The following GFI1B variants were observed in gnomAD, a reference collection of about 807,000 sequenced individuals.
GFI1B encodes zinc finger protein Gfi-1b.
GFI1B carries 20 observed loss-of-function variants against 35.3 expected under a neutral mutation model. That is an observed-to-expected ratio of 0.57 (90% CI 0.40 to 0.82). The LOEUF is 0.82. Among genes scored for constraint, GFI1B ranks in the 40% least tolerant of loss-of-function variants. The pLI is 0.00. For synonymous variants in GFI1B, 178 were observed against 177.6 expected (o/e 1.00, Z -0.02); for missense variants, 430 against 446.3 (o/e 0.96, Z 0.33).
At chr9:132,977,908 C>T (rs143065962), upstream of GFI1B, among the ~76,000 whole-genome samples, 593 of 152,308 alleles carry the variant, frequency 3.9e-3, 4 homozygotes, top group African/African-American at 0.013. Context: ...TCCTGGCCTC[C>T]GAACTCACTG....
chr9:132,951,368 AG>A (rs1403079762), intron 1 of GFI1B: 1 of 152,218 alleles, frequency 6.6e-6, no homozygotes, highest in Non-Finnish European at 1.5e-5. Context: ...GCCCTAACGC[AG>A]GATAGCTCTG....
At chr9:132,990,783 A>G in intron 6 of GFI1B, 89 bp from the exon 7 acceptor site, 1 of 1,204,438 alleles carries the variant, frequency 8.3e-7, no homozygotes, top group East Asian at 2.4e-5. Flanking sequence ...GGTATTGGAA[A>G]ATGAACCCGG....
intron 1 of GFI1B, among the ~76,000 whole-genome samples, chr9:132,968,574 G>A (rs73554519): frequency 0.026 from 3,918 of 152,078 alleles, 69 homozygotes; most frequent in South Asian, 0.08. Context: ...AGATTAATTC[G>A]CTTTTTTGTT....
In GFI1B at chr9:132,988,092, T is replaced by G. The variant is rs1056458040; in HGVS notation, c.239-105T>G. ...AACTCCCGACCTCAAGTGACCCACT[T>G]GCCTCAGCCTCCCAAAGTGCTGGAA... On this transcript the variant is annotated intron_variant, in intron 3 of 6. Coordinates refer to ENST00000372122, the MANE Select transcript of GFI1B (RefSeq NM_001377304.1). 1.9e-5 allele frequency: 19 copies of G among 1,016,600 alleles called. No individual in the cohort carries two copies. The African/African-American group carries it at 3.0e-4, about 16-fold the overall frequency. The allele number at this position is 1,016,600 out of a possible 1,614,324, so 63.0% of individuals were successfully genotyped here.
At chr9:132,979,028 G>A (rs1225032208) in intron 1 of GFI1B, among the ~76,000 whole-genome samples, 187 bp downstream of exon 1, 1 of 152,224 alleles carries the variant, frequency 6.6e-6, no homozygotes, top group East Asian at 1.9e-4. Flanking sequence ...CTGAGCCACT[G>A]TGCTAGGAAT....
Position 132,987,450 on chromosome 9 carries a change from AGGGAGTGCCAAG to A in GFI1B, c.238+37_238+48del, listed in dbSNP as rs757542013. 8 of 1,613,442 alleles carry A rather than the reference AGGGAGTGCCAAG, an allele frequency of 5.0e-6. No homozygotes were observed. In the South Asian group the frequency reaches 8.8e-5, roughly 18 times the overall value. On this transcript the variant is annotated intron_variant, in intron 3 of 6. Transcript: ENST00000372122. ...CCGCTGTGACCCACTGTCATTCCCC[AGGGAGTGCCAAG>A]GGGAGGAAGGATGAAGGGACTCTTG...
At chr9:132,979,065 A>G (rs1296687895) in intron 1 of GFI1B, among the ~76,000 whole-genome samples, 1 of 152,104 alleles carries the variant, frequency 6.6e-6, no homozygotes, top group Non-Finnish European at 1.5e-5. Flanking sequence ...GCGCAGAAAC[A>G]CTTTTCAAAA....
intron 6 of GFI1B, 99 bp from the exon 7 acceptor site, chr9:132,990,773 G>T (rs1849266299): frequency 1.0e-6 from 1 of 982,110 alleles, no homozygotes; most frequent in Non-Finnish European, 1.6e-6. Context: ...AACACAGGAA[G>T]GTATTGGAAA....
intron 1 of GFI1B, among the ~76,000 whole-genome samples, chr9:132,966,568 T>C (rs796746112): frequency 2.1e-4 from 32 of 152,292 alleles, no homozygotes; most frequent in African/African-American, 7.2e-4. Context: ...ATTGGAAGAA[T>C]AATAGTTTTG....
rs1458646035 is a variant in GFI1B, at chr9:132,948,125, G to T, written c.-701+2456G>T. Among the ~76,000 whole-genome samples, 4 of 152,248 alleles carry T rather than the reference G, an allele frequency of 2.6e-5. No homozygotes were observed. In the East Asian group the frequency reaches 7.7e-4, roughly 29 times the overall value. On this transcript the variant is annotated intron_variant, in intron 1 of 10. Coordinates refer to the GFI1B transcript ENST00000339463. Reference sequence around the variant, plus strand: ...TTCATTTGCTTTAACAAGCTGAAATGGTTGGTCTACAGTGGACCTGTGACT... The same window carrying T: ...TTCATTTGCTTTAACAAGCTGAAATTGTTGGTCTACAGTGGACCTGTGACT...
intron 1 of GFI1B, among the ~76,000 whole-genome samples, chr9:132,958,128 G>A (rs1848310479): frequency 6.6e-6 from 1 of 152,052 alleles, no homozygotes; most frequent in African/African-American, 2.4e-5. Flanking sequence ...TTTTAATTGG[G>A]TCGACATCTG....
chr9:132,981,899 C>T (rs1251423547), intron 1 of GFI1B, among the ~76,000 whole-genome samples: 1 of 152,118 alleles, frequency 6.6e-6, no homozygotes, highest in Non-Finnish European at 1.5e-5. Context: ...ATTACAGGTG[C>T]CTGCCACCAC....
upstream of GFI1B, among the ~76,000 whole-genome samples, chr9:132,976,826 C>T (rs1848644534): frequency 6.6e-6 from 1 of 152,138 alleles, no homozygotes; most frequent in South Asian, 2.1e-4. Context: ...CCTGTAGTCC[C>T]AGCCACTCAA....
At chr9:132,988,175 G>A (rs780041623) in intron 3 of GFI1B, 22 bp from the exon 4 acceptor site, 2 of 1,611,086 alleles carry the variant, frequency 1.2e-6, no homozygotes, top group Admixed American at 1.7e-5. Context: ...GAGTAACCAG[G>A]CCTGTGTCGT....
At chr9:132,984,756 G>A (rs1275121453) in intron 1 of GFI1B, among the ~76,000 whole-genome samples, 1 of 152,162 alleles carries the variant, frequency 6.6e-6, no homozygotes, top group African/African-American at 2.4e-5. Flanking sequence ...GCAAGGGCTG[G>A]GCCTGAGCTT....
upstream of GFI1B, among the ~76,000 whole-genome samples, chr9:132,976,295 C>A (rs771073161): frequency 6.6e-6 from 1 of 152,124 alleles, no homozygotes; most frequent in Non-Finnish European, 1.5e-5. Context: ...TCATGTTTCA[C>A]GGAAAATGAC....
chr9:132,981,692 C>T lies in GFI1B; in HGVS notation c.-21+2851C>T, dbSNP rs532805019. On this transcript the variant is annotated intron_variant, in intron 1 of 6. Transcript: ENST00000372122. ...GATGATGATTACTTTCTGCTGGGGC[C>T]CCTGGGCCTGACCTGGGCTCATTTT... 1.1e-4 allele frequency among the ~76,000 whole-genome samples: 16 copies of T among 152,106 alleles called. No individual in the cohort carries two copies. The East Asian group carries it at 3.1e-3, about 29-fold the overall frequency.
chr9:132,981,814 G>A (rs1206944416), intron 1 of GFI1B, among the ~76,000 whole-genome samples: 3 of 151,748 alleles, frequency 2.0e-5, no homozygotes, highest in Non-Finnish European at 2.9e-5. Flanking sequence ...GTGCAGTGGC[G>A]CCATCTGGGC....
At chr9:132,954,092 G>A (rs1305826488) in intron 1 of GFI1B, among the ~76,000 whole-genome samples, 1 of 152,014 alleles carries the variant, frequency 6.6e-6, no homozygotes, top group Admixed American at 6.6e-5. Flanking sequence ...TATTTTTGCT[G>A]TAAAGAATCA....
Sources: gnomAD v4.1 joint callset for allele counts (sites outside exome capture counted in the v4.1 genomes callset) on GRCh38, gnomAD v4.1.1 for gene constraint, MANE v1.5 for transcripts, NCBI Gene and HGNC (gene_info 2026-07-23, HGNC 2026-07-21) for gene names.